PDE9A: variants seen among roughly 807,000 people sequenced by gnomAD.
The protein encoded by PDE9A is high affinity cGMP-specific 3',5'-cyclic phosphodiesterase 9A.
In PDE9A, 60 loss-of-function variants were observed where a neutral mutation model predicts 87.4. The ratio of observed to expected loss-of-function variants is 0.69; its 90% CI spans 0.56 to 0.85. The LOEUF (loss-of-function observed/expected upper bound fraction) is 0.85, where lower values mean the gene tolerates loss of function less well. PDE9A is among the 40% of genes least tolerant of loss of function. The probability of loss-of-function intolerance (pLI) is 0.00; values close to 1 mark genes in which losing one functional copy is unlikely to be tolerated. For missense variants in PDE9A, 665 were observed against 779.0 expected, an observed-to-expected ratio of 0.85 and a Z score of 1.74; for synonymous variants, 272 against 279.4, an observed-to-expected ratio of 0.97 and a Z score of 0.27.
Position 42,731,034 on chromosome 21 carries a change from C to T in PDE9A, c.263-736C>T, listed in dbSNP as rs534643117. On this transcript the variant is annotated intron_variant, in intron 4 of 19. Coordinates refer to ENST00000291539, the MANE Select transcript of PDE9A (RefSeq NM_002606.3). The stretch of plus-strand genomic sequence containing the variant: ...GTGCAATGGCACGATCTCAGCTCAC[C>T]GCAACCTCTGCCTCCCAGGTTCAAG... 3.3e-5 allele frequency among the ~76,000 whole-genome samples: 5 copies of T among 152,214 alleles called. No homozygotes were observed. In the South Asian group the frequency reaches 6.2e-4, roughly 19 times the overall value.
Position 42,748,930 on chromosome 21 carries a change from G to T in PDE9A, c.654-2186G>T, listed in dbSNP as rs566868397. Among the ~76,000 whole-genome samples, 5 of 152,142 alleles carry T rather than the reference G, an allele frequency of 3.3e-5. No homozygotes were observed. The South Asian group carries it at 8.3e-4, about 25-fold the overall frequency. ...TAGCATTCTTATTTTCCCTTTTCATGTCAAGTTTCCTCACTTGGCATAATA... is the reference window on the plus strand; with the variant it reads ...TAGCATTCTTATTTTCCCTTTTCATTTCAAGTTTCCTCACTTGGCATAATA... On this transcript the variant is annotated intron_variant, in intron 8 of 19. Coordinates refer to ENST00000291539, the MANE Select transcript of PDE9A (RefSeq NM_002606.3).
At position 42,772,480 on chromosome 21, in the gene PDE9A, G is replaced by C; in HGVS notation, c.1728G>C (p.Glu576Asp). 1 of 1,610,520 alleles carries C rather than the reference G, an allele frequency of 6.2e-7. No individual in the cohort carries two copies. The highest frequency in any genetic ancestry group is 8.5e-7 in the Non-Finnish European group (1 of 1,178,712). Residue 576 changes from glutamate (E) to aspartate (D), a missense_variant, in exon 19 of 20, where the codon GAG becomes GAC. Physicochemically the swap from Glu to Asp is conservative, Grantham distance 45. Transcript: ENST00000291539. Reference sequence around the variant, plus strand: ...ACAGCTTGACGTCTGGGGCCACCGAGAAGTCCAGAGAGAGAAGCAGAGATG... The same window carrying C: ...ACAGCTTGACGTCTGGGGCCACCGACAAGTCCAGAGAGAGAAGCAGAGATG... ...KTDSLTSGAT[E>D]KSRERSRDVK...
chr21:42,771,007 G>A (rs531679401), intron 18 of PDE9A, among the ~76,000 whole-genome samples: 5 of 152,358 alleles, frequency 3.3e-5, no homozygotes, highest in African/African-American at 4.8e-5. Flanking sequence ...CCAAGAACAC[G>A]TCAGGTCTCA....
intron 7 of PDE9A, among the ~76,000 whole-genome samples, chr21:42,738,408 T>C (rs1052371734): frequency 1.1e-4 from 17 of 152,230 alleles, no homozygotes; most frequent in Admixed American, 3.9e-4. Flanking sequence ...GCCAAAGGAC[T>C]GGGCCTGCCA....
intron 9 of PDE9A, 47 bp downstream of exon 9, chr21:42,751,244 C>A: frequency 7.4e-7 from 1 of 1,346,640 alleles, no homozygotes; most frequent in Non-Finnish European, 1.1e-6. Flanking sequence ...GTGTCCCCAG[C>A]CCCACGCCCA....
rs779305108 is a variant in PDE9A, at chr21:42,660,790, C to T, written c.69+6907C>T. 1.2e-4 allele frequency among the ~76,000 whole-genome samples: 18 copies of T among 152,048 alleles called. No homozygotes were observed. Among genetic ancestry groups the T allele is most frequent in the Admixed American group, 2.6e-4 (4 of 15,266 alleles). On this transcript the variant is annotated intron_variant, in intron 1 of 19. Coordinates refer to ENST00000291539, the MANE Select transcript of PDE9A (RefSeq NM_002606.3). The surrounding 1 kb of genome is among the most constrained non-coding windows in gnomAD (Gnocchi z 4.7). ...GCACTCAGCCACCCAGGGGTGGCTC[C>T]CAACATTTTCAAGCTCAAAAAGAAA...
intron 13 of PDE9A, among the ~76,000 whole-genome samples, chr21:42,761,262 C>A (rs1052205859): frequency 6.6e-6 from 1 of 152,258 alleles, no homozygotes; most frequent in South Asian, 2.1e-4. Flanking sequence ...TCCACACCCC[C>A]CTCTCAGGAG....
At chr21:42,715,349 G>A (rs550135184) in intron 4 of PDE9A, among the ~76,000 whole-genome samples, 24 of 152,142 alleles carry the variant, frequency 1.6e-4, no homozygotes, top group African/African-American at 5.1e-4. Flanking sequence ...GGTTACAGCC[G>A]GGCGCACTGG....
At chr21:42,752,695 G>A (rs2054564871) in intron 9 of PDE9A, among the ~76,000 whole-genome samples, 1 of 152,236 alleles carries the variant, frequency 6.6e-6, no homozygotes, top group African/African-American at 2.4e-5. Context: ...CAGCCCTCCA[G>A]ATCTGTCCCC....
intron 1 of PDE9A, among the ~76,000 whole-genome samples, chr21:42,667,856 G>T (rs920797000): frequency 6.6e-6 from 1 of 152,010 alleles, no homozygotes; most frequent in South Asian, 2.1e-4. Context: ...AGCACAGGAC[G>T]TGTGTTTCTG....
At chr21:42,769,382 C>T (rs371868060) in intron 17 of PDE9A, among the ~76,000 whole-genome samples, 1 of 146,940 alleles carries the variant, frequency 6.8e-6, no homozygotes, top group Non-Finnish European at 1.5e-5. Flanking sequence ...CACACAGGTA[C>T]ACAGGCACAC....
At chr21:42,697,691 A>C (rs529443163) in intron 3 of PDE9A, among the ~76,000 whole-genome samples, 2 of 152,310 alleles carry the variant, frequency 1.3e-5, no homozygotes, top group East Asian at 1.9e-4. Flanking sequence ...CTGTGCCCTC[A>C]TGAGGCAGAG....
chr21:42,698,973 C>T lies in PDE9A; in HGVS notation c.224C>T (p.Pro75Leu), dbSNP rs2060294488. The change falls in exon 4 of 20, where the codon CCG becomes CTG. Residue 75 changes from proline to leucine, a missense_variant. Coordinates refer to ENST00000291539, the MANE Select transcript of PDE9A (RefSeq NM_002606.3). ...PTMPANSERT[P>L]YKVRPVAIKQ... ...CACTGTCTTCTCTTTTGCAGCACTC[C>T]GTACAAAGTGAGACCTGTGGCCATC... The T allele has an allele frequency of 3.1e-6, 5 of 1,612,614 alleles. No individual in the cohort carries two copies. Among genetic ancestry groups the T allele is most frequent in the Non-Finnish European group, 3.4e-6 (4 of 1,178,682 alleles).
intron 3 of PDE9A, among the ~76,000 whole-genome samples, chr21:42,690,523 A>G (rs543839496): frequency 6.6e-6 from 1 of 151,398 alleles, no homozygotes; most frequent in African/African-American, 2.4e-5. Flanking sequence ...CTCCTCTCTC[A>G]TGACAAACTG....
rs544699189 is a variant in PDE9A at position 42,755,193 on chromosome 21, A to C, written c.810+1129A>C. 5.3e-5 allele frequency among the ~76,000 whole-genome samples: 8 copies of C among 152,324 alleles called. No homozygotes were observed. In the South Asian group the frequency reaches 1.7e-3, roughly 32 times the overall value. ...ATGCACAAGGCTCCTCAGCAAGCTC[A>C]CCTGTGCTCTTTGACAAGCTCGGCC... On this transcript the variant is annotated intron_variant, in intron 10 of 19. Transcript: ENST00000291539.
intron 14 of PDE9A, among the ~76,000 whole-genome samples, chr21:42,762,758 T>G (rs2055943555): frequency 6.6e-6 from 1 of 152,124 alleles, no homozygotes; most frequent in Admixed American, 6.6e-5. Context: ...AATGGCAGGA[T>G]CTCGGCTCAC....
At chr21:42,768,813 T>C (rs982803011) in intron 16 of PDE9A, 3 of 985,298 alleles carry the variant, frequency 3.0e-6, no homozygotes, top group Non-Finnish European at 3.6e-6. Context: ...CCTCTGCCTA[T>C]CTCTCAGGTC....
At chr21:42,761,175 G>T (rs945496546) in intron 13 of PDE9A, among the ~76,000 whole-genome samples, 1 of 152,344 alleles carries the variant, frequency 6.6e-6, no homozygotes, top group Middle Eastern at 3.4e-3. Flanking sequence ...TCAGGTGCAC[G>T]GCAGATCCCT....
intron 18 of PDE9A, 109 bp downstream of exon 18, chr21:42,770,907 C>T (rs2147216855): frequency 1.3e-6 from 1 of 767,178 alleles, no homozygotes; most frequent in East Asian, 2.6e-5. Flanking sequence ...CCACTGAAGG[C>T]CCCGTGGACA....
Sources: allele counts gnomAD v4.1 joint callset (sites outside exome capture counted in the v4.1 genomes callset), GRCh38; gene constraint gnomAD v4.1.1; non-coding constraint Gnocchi (gnomAD v3.1); transcripts MANE v1.5; gene names NCBI Gene and HGNC (gene_info 2026-07-23, HGNC 2026-07-21).